The following PCGF6 variants were observed in gnomAD, a reference collection of about 807,000 sequenced individuals.
PCGF6 encodes the protein polycomb group RING finger protein 6.
Under a neutral mutation model 45.5 loss-of-function variants are expected in PCGF6, and 24 were observed. The observed-to-expected ratio is 0.53, with a 90% CI of 0.38 to 0.74. The LOEUF (loss-of-function observed/expected upper bound fraction) is 0.74, where lower values mean the gene tolerates loss of function less well. Ranked by LOEUF, PCGF6 falls within the 30% of genes least tolerant of loss-of-function variation. The pLI, the probability that PCGF6 is intolerant of heterozygous loss-of-function variation, is 0.00. For synonymous variants in PCGF6, 152 were observed against 162.1 expected (o/e 0.94, Z 0.47); for missense variants, 356 against 443.2 (o/e 0.80, Z 1.77).
intron 7 of PCGF6, among the ~76,000 whole-genome samples, chr10:103,332,824 G>A (rs2093244663): frequency 6.6e-6 from 1 of 152,078 alleles, no homozygotes; most frequent in African/African-American, 2.4e-5. Context: ...AAAAATCATG[G>A]GGATTTATGG....
At chr10:103,337,384 T>C in intron 6 of PCGF6, among the ~76,000 whole-genome samples, 1 of 152,154 alleles carries the variant, frequency 6.6e-6, no homozygotes, top group South Asian at 2.1e-4. Context: ...ATATTGATAA[T>C]AATTCAGACT....
chr10:103,336,515 C>A (rs1028592072), intron 6 of PCGF6, among the ~76,000 whole-genome samples: 7 of 152,184 alleles, frequency 4.6e-5, no homozygotes, highest in Middle Eastern at 3.4e-3. Context: ...CAGCTTCTAC[C>A]TGAATATCTA....
intron 8 of PCGF6, among the ~76,000 whole-genome samples, chr10:103,324,630 C>T (rs1220510788): frequency 6.6e-6 from 1 of 151,494 alleles, no homozygotes; most frequent in Non-Finnish European, 1.5e-5. Context: ...TGTGGTGGCA[C>T]AGGCCTGTAA....
intron 6 of PCGF6, among the ~76,000 whole-genome samples, chr10:103,343,941 C>G (rs117502120): frequency 0.013 from 1,904 of 149,612 alleles, 31 homozygotes; most frequent in South Asian, 0.035. Context: ...GGAGAACTAT[C>G]TATCTCACAT....
At chr10:103,311,486 C>A (rs1375191590) in intron 9 of PCGF6, among the ~76,000 whole-genome samples, 1 of 149,556 alleles carries the variant, frequency 6.7e-6, no homozygotes, top group African/African-American at 2.5e-5. Flanking sequence ...GCTCCGTTGC[C>A]CAAGCTGGAG....
At chr10:103,311,593 C>A (rs2093157523) in intron 9 of PCGF6, among the ~76,000 whole-genome samples, 1 of 151,250 alleles carries the variant, frequency 6.6e-6, no homozygotes. Flanking sequence ...CAGGCATGAG[C>A]CACCACCGCA....
chr10:103,335,323 G>T (rs1269202299), intron 6 of PCGF6, among the ~76,000 whole-genome samples: 1 of 150,844 alleles, frequency 6.6e-6, no homozygotes, highest in Non-Finnish European at 1.5e-5. Flanking sequence ...CCAAATGCTG[G>T]AATTACAGGT....
At chr10:103,333,277 C>G (rs1334012066) in intron 7 of PCGF6, among the ~76,000 whole-genome samples, 1 of 152,094 alleles carries the variant, frequency 6.6e-6, no homozygotes, top group African/African-American at 2.4e-5. Context: ...TAAAACAGTA[C>G]AGTATATCCA....
chr10:103,309,226 T>A (rs1194521693), intron 9 of PCGF6, among the ~76,000 whole-genome samples: 2 of 151,724 alleles, frequency 1.3e-5, no homozygotes, highest in African/African-American at 4.8e-5. Context: ...GGTGGAATGA[T>A]ATGGTTTGGA....
chr10:103,321,520 T>C (rs34158009), intron 8 of PCGF6, among the ~76,000 whole-genome samples: 2,153 of 152,202 alleles, frequency 0.014, 29 homozygotes, highest in Non-Finnish European at 0.023. Context: ...GAGATCATCC[T>C]GGCTAAATGG....
chr10:103,342,881 C>T (rs2093285999), intron 6 of PCGF6, among the ~76,000 whole-genome samples: 1 of 151,656 alleles, frequency 6.6e-6, no homozygotes. Context: ...ATGTCATTAT[C>T]ATCAACCACT....
At chr10:103,326,481 T>C in intron 8 of PCGF6, 53 bp downstream of exon 8, 2 of 1,129,956 alleles carry the variant, frequency 1.8e-6, no homozygotes, top group Non-Finnish European at 2.5e-6. Context: ...TTCTACAGTG[T>C]GCTAAAGGTA....
chr10:103,334,556 TAATC>T (rs1171320658), intron 6 of PCGF6, among the ~76,000 whole-genome samples: 1 of 152,202 alleles, frequency 6.6e-6, no homozygotes, highest in Admixed American at 6.5e-5. Context: ...CTTTTAATCA[TAATC>T]AATGTGATTT....
Position 103,333,996 on chromosome 10 carries a change from CTA to C in PCGF6, c.783-46_783-45del, listed in dbSNP as rs760679921. 33 of 1,306,328 alleles carry C rather than the reference CTA, an allele frequency of 2.5e-5. 1 individual carries two copies. In the African/African-American group the frequency reaches 4.0e-4, roughly 16 times the overall value. 80.9% of individuals were successfully genotyped at this position (1,306,328 alleles called of 1,614,324 possible). ...ATTAATCAATATTTAATACTTTAAG[CTA>C]TATGTTTAATCATAAAACAACATAT... On this transcript the variant is annotated intron_variant, in intron 6 of 9. Coordinates refer to ENST00000369847, the MANE Select transcript of PCGF6 (RefSeq NM_001011663.2).
intron 8 of PCGF6, among the ~76,000 whole-genome samples, chr10:103,319,036 T>C (rs11191655): frequency 0.12 from 18,322 of 152,266 alleles, 1,435 homozygotes; most frequent in Non-Finnish European, 0.17. Flanking sequence ...AGTAGTCTTA[T>C]TAAAAGGAGA....
At chr10:103,317,901 G>A (rs1445758523) in intron 8 of PCGF6, among the ~76,000 whole-genome samples, 2 of 151,490 alleles carry the variant, frequency 1.3e-5, no homozygotes, top group African/African-American at 4.8e-5. Flanking sequence ...TGGGATTACA[G>A]GCATGCATCA....
chr10:103,347,170 A>G (rs1457797672), intron 5 of PCGF6, 68 bp downstream of exon 5: 1 of 1,260,676 alleles, frequency 7.9e-7, no homozygotes, highest in Non-Finnish European at 1.1e-6. Flanking sequence ...AGGAACTTCA[A>G]AGGGCATATA....
At chr10:103,316,359 G>T (rs542539327) in intron 8 of PCGF6, among the ~76,000 whole-genome samples, 7 of 152,208 alleles carry the variant, frequency 4.6e-5, no homozygotes, top group African/African-American at 1.7e-4. Context: ...TTTTAGCATG[G>T]TTGGGAAAGA....
At chr10:103,340,195 AAAAATATAT>A (rs1334145078) in intron 6 of PCGF6, among the ~76,000 whole-genome samples, 7 of 105,562 alleles carry the variant, frequency 6.6e-5, no homozygotes, top group African/African-American at 7.7e-5. Context: ...AAAAAAAAAA[AAAAATATAT>A]ATATATATAT....
Sources: allele counts gnomAD v4.1 joint callset (sites outside exome capture counted in the v4.1 genomes callset), GRCh38; gene constraint gnomAD v4.1.1; transcripts MANE v1.5; gene names NCBI Gene and HGNC (gene_info 2026-07-23, HGNC 2026-07-21).